Variants in ZNF248 observed in about 807,000 individuals in gnomAD.
ZNF248 encodes KRAB protein domain.
In ZNF248, 20 loss-of-function variants were observed where a neutral mutation model predicts 44.3. The ratio of observed to expected loss-of-function variants is 0.45; its 90% CI spans 0.32 to 0.66. ZNF248 has a LOEUF of 0.66. Ranked by LOEUF, ZNF248 falls within the 30% of genes least tolerant of loss-of-function variation. The probability of loss-of-function intolerance (pLI) is 0.04; values close to 1 mark genes in which losing one functional copy is unlikely to be tolerated. For missense variants in ZNF248, 654 were observed against 677.0 expected, an observed-to-expected ratio of 0.97 and a Z score of 0.38; for synonymous variants, 224 against 229.0, an observed-to-expected ratio of 0.98 and a Z score of 0.20.
At chr10:37,801,524 T>C (rs2133216781) in intron 6 of ZNF248, among the ~76,000 whole-genome samples, 1 of 151,952 alleles carries the variant, frequency 6.6e-6, no homozygotes, top group Middle Eastern at 3.4e-3. Context: ...ACTTGGAGAG[T>C]TGGTAACAAA....
chr10:37,857,147 C>T (rs2061442935), intron 1 of ZNF248, 38 bp downstream of exon 1: 1 of 153,054 alleles, frequency 6.5e-6, no homozygotes, highest in African/African-American at 2.4e-5. Flanking sequence ...GGTGACGTTC[C>T]TGTTAGCCTG....
chr10:37,829,542 G>C lies in ZNF248; in HGVS notation c.*2073C>G. 1.0e-6 allele frequency: 1 copy of C among 985,320 alleles called. No individual in the cohort carries two copies. Among genetic ancestry groups the C allele is most frequent in the South Asian group, 4.7e-5 (1 of 21,280 alleles). 61.0% of individuals were successfully genotyped at this position (985,320 alleles called of 1,614,324 possible). On this transcript the variant is annotated 3_prime_UTR_variant, in exon 6 of 6. Transcript: ENST00000395867. ...GGAATGCCTTCAGCTCTAAGTATCA[G>C]ACAGCCCTAAGACCAAATAAAAAAC...
downstream of ZNF248, among the ~76,000 whole-genome samples, chr10:37,774,360 G>C (rs915026843): frequency 8.5e-5 from 13 of 152,342 alleles, no homozygotes; most frequent in South Asian, 4.1e-4. Flanking sequence ...TGCTCAGCGA[G>C]AGCACATCTA....
At position 37,837,996 on chromosome 10, in the gene ZNF248, A is replaced by G; in HGVS notation, c.131T>C (p.Leu44Pro). 1 of 1,613,526 alleles carries G rather than the reference A, an allele frequency of 6.2e-7. No homozygotes were observed. The highest frequency in any genetic ancestry group is 8.5e-7 in the Non-Finnish European group (1 of 1,179,646). ...RDVILENYSNLVSVGYCITKP... is the reference protein window; with the variant it reads ...RDVILENYSNPVSVGYCITKP... ...AAAAAACTCCTTACCTACTGAGACA[A>G]GATTGCTATAATTTTCCAGGATCAC... Residue 44 changes from leucine (L) to proline (P), a missense_variant, in exon 4 of 6, where the codon CTT becomes CCT. Physicochemically the swap from Leu to Pro is moderately conservative, Grantham distance 98. Transcript: ENST00000395867.
At chr10:37,798,120 A>G (rs1051144095) in intron 6 of ZNF248, among the ~76,000 whole-genome samples, 5 of 152,190 alleles carry the variant, frequency 3.3e-5, no homozygotes, top group Admixed American at 2.6e-4. Context: ...ACAATGTAAT[A>G]CAACACAGCT....
chr10:37,847,797 G>C (rs575887801), intron 3 of ZNF248, among the ~76,000 whole-genome samples: 1 of 152,196 alleles, frequency 6.6e-6, no homozygotes, highest in Admixed American at 6.5e-5. Flanking sequence ...GTAAAAGTGA[G>C]AGAACTCTGA....
intron 3 of ZNF248, among the ~76,000 whole-genome samples, chr10:37,853,223 G>A (rs2060635852): frequency 6.6e-6 from 1 of 152,016 alleles, no homozygotes. Flanking sequence ...GATAAATATA[G>A]AGAAAACCAA....
chr10:37,812,215 T>C (rs1177827330), intron 6 of ZNF248, among the ~76,000 whole-genome samples: 1 of 151,842 alleles, frequency 6.6e-6, no homozygotes, highest in East Asian at 1.9e-4. Context: ...CCAGCCTGGG[T>C]GACAGAGCAA....
At chr10:37,846,354 C>T (rs2059314361) in intron 3 of ZNF248, among the ~76,000 whole-genome samples, 1 of 152,140 alleles carries the variant, frequency 6.6e-6, no homozygotes, top group African/African-American at 2.4e-5. Flanking sequence ...GACAATGAAG[C>T]CAGGTGCGGT....
At chr10:37,795,103 G>T (rs1386649433) in intron 6 of ZNF248, 1 of 152,180 alleles carries the variant, frequency 6.6e-6, no homozygotes, top group Non-Finnish European at 1.5e-5. Flanking sequence ...TTCTCTTAAA[G>T]TTTGAAATCT....
At chr10:37,820,826 T>C in intron 6 of ZNF248, 2 of 1,189,776 alleles carry the variant, frequency 1.7e-6, no homozygotes, top group Non-Finnish European at 1.3e-6. Flanking sequence ...TTTCCAACTC[T>C]TGAATATTTC....
At chr10:37,805,858 T>C (rs1419030223) in intron 6 of ZNF248, among the ~76,000 whole-genome samples, 1 of 152,230 alleles carries the variant, frequency 6.6e-6, no homozygotes, top group Non-Finnish European at 1.5e-5. Flanking sequence ...CACATATGCA[T>C]ATGTGTGTAT....
intron 6 of ZNF248, among the ~76,000 whole-genome samples, chr10:37,810,886 C>A (rs2051380643): frequency 6.6e-6 from 1 of 152,118 alleles, no homozygotes; most frequent in Non-Finnish European, 1.5e-5. Context: ...AGAGCCAAGT[C>A]CTGTTGCTAT....
At chr10:37,780,496 A>G (rs1209906729) in intron 6 of ZNF248, among the ~76,000 whole-genome samples, 1 of 152,028 alleles carries the variant, frequency 6.6e-6, no homozygotes, top group Non-Finnish European at 1.5e-5. Context: ...CCTTCCTTAC[A>G]CCTTATACAA....
At position 37,809,001 on chromosome 10, in the gene ZNF248, G is replaced by A. The variant is rs1214138539; in HGVS notation, c.330+24024C>T. 2.6e-5 allele frequency among the ~76,000 whole-genome samples: 4 copies of A among 152,070 alleles called. No homozygotes were observed. In the East Asian group the frequency reaches 7.8e-4, roughly 29 times the overall value. ...CTAGATATTGAGCCATTTCATCTAT[G>A]TTATCCAATTTGTTGTAGTAAGTTG... On this transcript the variant is annotated intron_variant, in intron 6 of 6. Coordinates refer to the ZNF248 transcript ENST00000615949.
rs534884499 is a variant in ZNF248, at chr10:37,780,576, C to T, written c.331-4001G>A. Among the ~76,000 whole-genome samples the T allele has an allele frequency of 8.9e-4, 135 of 152,348 alleles. 1 individual carries two copies. Among genetic ancestry groups the T allele is most frequent in the African/African-American group, 3.2e-3 (133 of 41,582 alleles). On this transcript the variant is annotated intron_variant, in intron 6 of 6. Transcript: ENST00000615949. Reference sequence around the variant, plus strand: ...TAGACATATTAACAGCATCCCTCTACAGGTGAGGACTCCTCGTCCCACGCA... The same window carrying T: ...TAGACATATTAACAGCATCCCTCTATAGGTGAGGACTCCTCGTCCCACGCA...
chr10:37,806,412 CCTT>C (rs1212929648), intron 6 of ZNF248, among the ~76,000 whole-genome samples: 1 of 152,076 alleles, frequency 6.6e-6, no homozygotes, highest in Non-Finnish European at 1.5e-5. Context: ...TCCCTCCCTT[CCTT>C]CTTTTGATAG....
intron 6 of ZNF248, among the ~76,000 whole-genome samples, chr10:37,806,110 CA>C (rs1439115103): frequency 2.0e-5 from 3 of 152,312 alleles, no homozygotes; most frequent in African/African-American, 4.8e-5. Flanking sequence ...ATTCATCCAT[CA>C]GGGGACACAT....
rs191864271 is a variant in ZNF248 at position 37,830,371 on chromosome 10, C to T, written c.*1244G>A. 65 of 985,286 alleles carry T rather than the reference C, an allele frequency of 6.6e-5. No homozygotes were observed. In the African/African-American group the frequency reaches 8.2e-4, roughly 12 times the overall value. The allele number at this position is 985,286 out of a possible 1,614,324, so 61.0% of individuals were successfully genotyped here. The stretch of plus-strand genomic sequence containing the variant: ...CCAGGAAACAGTCAGAGGAAAGGTA[C>T]GTGATATAGTTCTTTGTGAAATAAT... On this transcript the variant is annotated 3_prime_UTR_variant, in exon 6 of 6. Transcript: ENST00000395867.
Sources: gnomAD v4.1 joint callset for allele counts (sites outside exome capture counted in the v4.1 genomes callset) on GRCh38, gnomAD v4.1.1 for gene constraint, MANE v1.5 for transcripts, NCBI Gene and HGNC (gene_info 2026-07-23, HGNC 2026-07-21) for gene names.